ZNF143: variants seen among roughly 807,000 people sequenced by gnomAD.
The protein encoded by ZNF143 is zinc finger protein 143.
Under a neutral mutation model 74.1 loss-of-function variants are expected in ZNF143, and 49 were observed. That is an observed-to-expected ratio of 0.66 (90% confidence interval 0.53 to 0.84). The LOEUF is 0.84. ZNF143 is among the 40% of genes least tolerant of loss of function. ZNF143 has a pLI of 0.00. For synonymous variants in ZNF143, 304 were observed against 282.8 expected (o/e 1.07, Z -0.75); for missense variants, 637 against 793.4 (o/e 0.80, Z 2.37).
At chr11:9,501,368 C>T in intron 11 of ZNF143, 98 bp downstream of exon 11, 1 of 1,381,154 alleles carries the variant, frequency 7.2e-7, no homozygotes, top group East Asian at 2.3e-5. Flanking sequence ...TCCCTCCTTT[C>T]TATCACTTGG....
At chr11:9,498,708 A>G (rs933357680) in intron 10 of ZNF143, among the ~76,000 whole-genome samples, 12 of 152,228 alleles carry the variant, frequency 7.9e-5, no homozygotes, top group African/African-American at 1.2e-4. Flanking sequence ...AAGAGATGCT[A>G]TTATAAGCTG....
intron 7 of ZNF143, among the ~76,000 whole-genome samples, chr11:9,488,901 A>G (rs1272895813): frequency 6.6e-6 from 1 of 152,220 alleles, no homozygotes; most frequent in East Asian, 1.9e-4. Flanking sequence ...TAGAAAAAAA[A>G]AAGATTTATT....
chr11:9,525,532 T>G, intron 15 of ZNF143, 146 bp downstream of exon 15: 3 of 1,078,022 alleles, frequency 2.8e-6, no homozygotes, highest in Non-Finnish European at 4.2e-6. Flanking sequence ...GAAATCGGTG[T>G]ATTTGAGGTG....
At chr11:9,518,067 A>G (rs1167785354) in intron 14 of ZNF143, among the ~76,000 whole-genome samples, 1 of 152,168 alleles carries the variant, frequency 6.6e-6, no homozygotes. Context: ...AAGATGAACA[A>G]CCGTTAAAAA....
intron 14 of ZNF143, among the ~76,000 whole-genome samples, chr11:9,522,282 C>T (rs1017021104): frequency 6.6e-6 from 1 of 152,112 alleles, no homozygotes; most frequent in South Asian, 2.1e-4. Context: ...GGCAAGTGTT[C>T]CCGAGTAGCT....
chr11:9,478,304 A>C, intron 5 of ZNF143, 86 bp from the exon 6 acceptor site: 1 of 1,415,444 alleles, frequency 7.1e-7, no homozygotes. Context: ...CTACTCAATA[A>C]AAGCTCATTT....
At chr11:9,486,371 A>ATAATATATATAATATATATATATAAT (rs1477531952) in intron 7 of ZNF143, among the ~76,000 whole-genome samples, 1 of 36,720 alleles carries the variant, frequency 2.7e-5, no homozygotes, top group African/African-American at 1.3e-4. Flanking sequence ...TATTATATAT[A>ATAATATATATAATATATATATATAAT]ATATATTATA....
intron 10 of ZNF143, among the ~76,000 whole-genome samples, chr11:9,500,331 CT>C (rs11327903): frequency 0.46 from 65,711 of 143,032 alleles, 14,537 homozygotes; most frequent in Non-Finnish European, 0.51. Flanking sequence ...ACTAGATTTT[CT>C]TTTTTTTTTT....
At chr11:9,525,612 A>C (rs1849097613) in intron 15 of ZNF143, 1 of 562,080 alleles carries the variant, frequency 1.8e-6, no homozygotes, top group Admixed American at 3.0e-5. Context: ...TAGCAAGAAA[A>C]AAAACCTTCA....
chr11:9,496,439 A>C, intron 9 of ZNF143, 61 bp downstream of exon 9: 1 of 1,430,584 alleles, frequency 7.0e-7, no homozygotes, highest in South Asian at 1.2e-5. Flanking sequence ...GAGACAGGCT[A>C]GTGGAAGGAA....
In ZNF143 at chr11:9,525,092, C is replaced by A. The variant is rs140625678; in HGVS notation, c.1687-148C>A. 8,416 of 911,924 alleles carry A rather than the reference C, an allele frequency of 9.2e-3. 68 individuals carry two copies. Among genetic ancestry groups the A allele is most frequent in the Non-Finnish European group, 0.012 (7,285 of 624,152 alleles). 56.5% of individuals were successfully genotyped at this position (911,924 alleles called of 1,614,324 possible). On this transcript the variant is annotated intron_variant, in intron 14 of 15. Transcript: ENST00000396602. ...TGAGCCTCAACTTCCTCAAATAAAC[C>A]TCCTTTCAATATAGGCTTTGACAAG...
chr11:9,487,467 C>A (rs773558438), intron 7 of ZNF143, among the ~76,000 whole-genome samples: 1 of 151,492 alleles, frequency 6.6e-6, no homozygotes, highest in Non-Finnish European at 1.5e-5. Context: ...TCATGCTTCT[C>A]CTGCCTCAGC....
intron 1 of ZNF143, among the ~76,000 whole-genome samples, chr11:9,461,368 C>T (rs1378508635): frequency 6.6e-6 from 1 of 152,190 alleles, no homozygotes; most frequent in African/African-American, 2.4e-5. Context: ...CTCAGGGGAC[C>T]GCCAAGGGGA....
intron 1 of ZNF143, among the ~76,000 whole-genome samples, chr11:9,467,260 G>C (rs1031903273): frequency 2.1e-5 from 3 of 144,144 alleles, no homozygotes; most frequent in Non-Finnish European, 4.5e-5. Flanking sequence ...TTTTGAGATA[G>C]AGTTTTACTC....
At chr11:9,461,288 G>T (rs1186260798) in intron 1 of ZNF143, among the ~76,000 whole-genome samples, 2 of 152,152 alleles carry the variant, frequency 1.3e-5, no homozygotes, top group South Asian at 2.1e-4. Context: ...ACTCTAGGCG[G>T]CGGAGCTTTT....
At position 9,521,571 on chromosome 11, in the gene ZNF143, G is replaced by GT. The variant is rs1176133537; in HGVS notation, c.1687-3659dup. On this transcript the variant is annotated intron_variant, in intron 14 of 15. Transcript: ENST00000396602. ...TTTCTTTTTGCGGAGGTTTTTTTTTGTTTTTTTTTTGTTGTTGTTGTTGTT... is the reference window on the plus strand; with the variant it reads ...TTTCTTTTTGCGGAGGTTTTTTTTTGTTTTTTTTTTTGTTGTTGTTGTTGTT... Among the ~76,000 whole-genome samples, 1,062 of 145,170 alleles carry GT rather than the reference G, an allele frequency of 7.3e-3. 10 individuals carry two copies. The highest frequency in any genetic ancestry group is 0.023 in the African/African-American group (929 of 39,830).
At chr11:9,468,761 C>T (rs1025901012) in intron 1 of ZNF143, among the ~76,000 whole-genome samples, 2 of 152,192 alleles carry the variant, frequency 1.3e-5, no homozygotes, top group African/African-American at 4.8e-5. Flanking sequence ...AGGAGGATCA[C>T]ATGAGCCCAA....
chr11:9,512,693 A>G lies in ZNF143; in HGVS notation c.1524+97A>G, dbSNP rs1041459786. 1.1e-5 allele frequency: 17 copies of G among 1,492,116 alleles called. No homozygotes were observed. In the Middle Eastern group the frequency reaches 7.0e-4, roughly 61 times the overall value. The allele number at this position is 1,492,116 out of a possible 1,614,324, so 92.4% of individuals were successfully genotyped here. A position where few individuals can be genotyped will look rare whatever the true frequency, so the allele number is the denominator to read the frequency against. On this transcript the variant is annotated intron_variant, in intron 13 of 15. Coordinates refer to ENST00000396602, the MANE Select transcript of ZNF143 (RefSeq NM_003442.6). The stretch of plus-strand genomic sequence containing the variant: ...CCATTGAGGAAAGCTTTGAAATATC[A>G]GGGCACAAAGTTTGGAAACCCTGAG...
chr11:9,508,843 C>A lies in ZNF143; in HGVS notation c.1372C>A (p.Pro458Thr). Residue 458 changes from proline to threonine, a missense_variant, in exon 12 of 16, where the codon CCA becomes ACA. By Grantham distance (38) the Pro-to-Thr change is conservative. Coordinates refer to ENST00000396602, the MANE Select transcript of ZNF143 (RefSeq NM_003442.6). ...EEQEAFFEPP[P>T]GQGEDVLKGS... ...GCAGGAAGCCTTCTTTGAGCCGCCC[C>A]CAGGTGAGAGTTTTGTCTACTATAT... is the stretch of plus-strand genomic sequence containing the variant. 6.3e-7 allele frequency: 1 copy of A among 1,574,816 alleles called. No homozygotes were observed. The highest frequency in any genetic ancestry group is 2.3e-5 in the East Asian group (1 of 42,650).
Sources: allele counts gnomAD v4.1 joint callset (sites outside exome capture counted in the v4.1 genomes callset), GRCh38; gene constraint gnomAD v4.1.1; transcripts MANE v1.5; gene names NCBI Gene and HGNC (gene_info 2026-07-23, HGNC 2026-07-21).